Variants in CIRSR observed in about 807,000 individuals in gnomAD.
The protein encoded by CIRSR is corepressor of RBPJ and splicing regulator.
the CIRSR span, among the ~76,000 whole-genome samples, chr2:174,374,634 G>C: frequency 6.6e-6 from 1 of 152,240 alleles, no homozygotes; most frequent in Non-Finnish European, 1.5e-5. Flanking sequence ...AAGTAGCAAA[G>C]CAGTTAGCTA....
chr2:174,352,994 C>T, the CIRSR span, among the ~76,000 whole-genome samples: 2 of 152,200 alleles, frequency 1.3e-5, no homozygotes, highest in Non-Finnish European at 2.9e-5. Flanking sequence ...AAAAGGCAAT[C>T]AGTTCAAATT....
At chr2:174,355,563 T>C in the CIRSR span, among the ~76,000 whole-genome samples, 20 of 152,302 alleles carry the variant, frequency 1.3e-4, no homozygotes, top group East Asian at 3.9e-3. Flanking sequence ...AAAATACCAA[T>C]TGTGTACAGT....
At chr2:174,372,932 C>T in the CIRSR span, among the ~76,000 whole-genome samples, 1 of 152,116 alleles carries the variant, frequency 6.6e-6, no homozygotes, top group Admixed American at 6.5e-5. Context: ...AATGTTTGAA[C>T]ATATCCATGA....
At chr2:174,383,920 A>G in the CIRSR span, among the ~76,000 whole-genome samples, 1 of 152,008 alleles carries the variant, frequency 6.6e-6, no homozygotes, top group Non-Finnish European at 1.5e-5. Flanking sequence ...CAAGTCCATT[A>G]CTAGTAGGAA....
At chr2:174,394,557 G>A in the CIRSR span, among the ~76,000 whole-genome samples, 1 of 152,068 alleles carries the variant, frequency 6.6e-6, no homozygotes, top group African/African-American at 2.4e-5. Flanking sequence ...GAGGAGATGG[G>A]GCTGGATGAT....
At chr2:174,385,365 T>C in the CIRSR span, among the ~76,000 whole-genome samples, 1 of 151,896 alleles carries the variant, frequency 6.6e-6, no homozygotes, top group Non-Finnish European at 1.5e-5. Context: ...AAATTGGCTA[T>C]CAAAAACAGT....
the CIRSR span, among the ~76,000 whole-genome samples, chr2:174,377,824 C>CAAAAAAAAA: frequency 8.3e-5 from 5 of 60,050 alleles, no homozygotes; most frequent in East Asian, 6.1e-4. Context: ...GACGCCATCT[C>CAAAAAAAAA]AAAAAAAAAA....
chr2:174,376,063 G>A, the CIRSR span, among the ~76,000 whole-genome samples: 7 of 151,956 alleles, frequency 4.6e-5, no homozygotes, highest in South Asian at 4.1e-4. Flanking sequence ...GTTTCATCAC[G>A]TTGCCCAGGC....
the CIRSR span, among the ~76,000 whole-genome samples, chr2:174,370,241 G>T: frequency 3.9e-5 from 6 of 152,292 alleles, no homozygotes; most frequent in Admixed American, 3.9e-4. Context: ...TGTAGCAATA[G>T]GGTCTTGCTG....
chr2:174,374,850 A>G, the CIRSR span, among the ~76,000 whole-genome samples: 3 of 152,226 alleles, frequency 2.0e-5, no homozygotes, highest in Non-Finnish European at 2.9e-5. Flanking sequence ...TTTAGGTCTC[A>G]GCTTAACATT....
chr2:174,372,798 T>A, the CIRSR span, among the ~76,000 whole-genome samples: 2 of 152,168 alleles, frequency 1.3e-5, no homozygotes, highest in Non-Finnish European at 2.9e-5. Context: ...TCCAGGCTGG[T>A]CTCAAACTCC....
the CIRSR span, chr2:174,380,691 C>T: frequency 1.7e-5 from 27 of 1,612,458 alleles, no homozygotes; most frequent in Non-Finnish European, 2.2e-5. Context: ...AATTTGTATT[C>T]GGTCTCTCCT....
the CIRSR span, chr2:174,380,245 G>A: frequency 6.3e-7 from 1 of 1,595,264 alleles, no homozygotes; most frequent in Non-Finnish European, 8.5e-7. Flanking sequence ...GTCATCTTTG[G>A]CATATCTATT....
the CIRSR span, chr2:174,380,787 A>T: frequency 1.2e-6 from 2 of 1,601,232 alleles, no homozygotes; most frequent in Non-Finnish European, 1.7e-6. Flanking sequence ...ATTCAGACAT[A>T]GAAAATAGTA....
the CIRSR span, among the ~76,000 whole-genome samples, chr2:174,379,965 C>T: frequency 2.0e-5 from 3 of 151,768 alleles, no homozygotes; most frequent in African/African-American, 2.4e-5. Flanking sequence ...CCTTGTGATC[C>T]GCCCGCCTCG....
the CIRSR span, chr2:174,358,622 T>C: frequency 6.5e-6 from 1 of 152,682 alleles, no homozygotes; most frequent in Non-Finnish European, 1.5e-5. Flanking sequence ...AGTGATGATA[T>C]ATCTGGCAAT....
the CIRSR span, among the ~76,000 whole-genome samples, chr2:174,378,465 C>G: frequency 6.6e-6 from 1 of 152,136 alleles, no homozygotes; most frequent in African/African-American, 2.4e-5. Flanking sequence ...CTGAAGTAGA[C>G]AGTAATATGT....
At chr2:174,378,320 G>A in the CIRSR span, among the ~76,000 whole-genome samples, 42 of 152,298 alleles carry the variant, frequency 2.8e-4, no homozygotes, top group South Asian at 8.3e-3. Context: ...ATCTATTACA[G>A]GTTAGGGTTG....
chr2:174,375,851 AT>A, the CIRSR span, among the ~76,000 whole-genome samples: 1 of 151,874 alleles, frequency 6.6e-6, no homozygotes, highest in African/African-American at 2.4e-5. Context: ...TCTTTTTCTT[AT>A]TGACTTGAAA....
Sources: allele counts gnomAD v4.1 joint callset (sites outside exome capture counted in the v4.1 genomes callset), GRCh38; gene constraint gnomAD v4.1.1; transcripts MANE v1.5; gene names NCBI Gene and HGNC (gene_info 2026-07-23, HGNC 2026-07-21).